The following COPS7B variants were observed in gnomAD, a reference collection of about 807,000 sequenced individuals.
COPS7B encodes COP9 signalosome subunit 7B.
Under a neutral mutation model 33.4 loss-of-function variants are expected in COPS7B, and 9 were observed. The ratio of observed to expected loss-of-function variants is 0.27; its 90% CI spans 0.16 to 0.47. COPS7B has a LOEUF of 0.47. Ranked by LOEUF, COPS7B falls within the 20% of genes least tolerant of loss-of-function variation. The pLI is 0.99. For missense variants in COPS7B, 242 were observed against 318.2 expected, an observed-to-expected ratio of 0.76 and a Z score of 1.82; for synonymous variants, 119 against 126.3, an observed-to-expected ratio of 0.94 and a Z score of 0.39.
At chr2:231,797,609 G>A (rs967451724) in intron 5 of COPS7B, among the ~76,000 whole-genome samples, 11 of 152,132 alleles carry the variant, frequency 7.2e-5, no homozygotes, top group Admixed American at 7.2e-4. Context: ...GTTACCATGG[G>A]ATGTTTACTA....
chr2:231,806,828 C>G (rs111601014), intron 6 of COPS7B, among the ~76,000 whole-genome samples: 2,474 of 152,308 alleles, frequency 0.016, 30 homozygotes, highest in Middle Eastern at 0.027. Flanking sequence ...CAGAGTAGCA[C>G]TGAAACCCAA....
chr2:231,794,388 C>T, intron 4 of COPS7B, 37 bp downstream of exon 4: 1 of 1,533,364 alleles, frequency 6.5e-7, no homozygotes, highest in East Asian at 2.3e-5. Context: ...TCCTCCTTAC[C>T]CCAAGTCAGC....
intron 2 of COPS7B, chr2:231,790,264 A>C (rs1189187885): frequency 6.6e-6 from 1 of 152,282 alleles, no homozygotes; most frequent in East Asian, 1.9e-4. Flanking sequence ...GATGGAAAGT[A>C]AAGTCAGAAA....
chr2:231,788,136 G>GTTTTTT (rs576680336), intron 1 of COPS7B, among the ~76,000 whole-genome samples: 7 of 114,106 alleles, frequency 6.1e-5, no homozygotes, highest in East Asian at 2.4e-4. Flanking sequence ...CTCAGGAACT[G>GTTTTTT]TTTTTTTTTT....
Position 231,807,730 on chromosome 2 carries a change from G to T in COPS7B, c.*85G>T. On this transcript the variant is annotated 3_prime_UTR_variant, in exon 7 of 7. Transcript: ENST00000350033. ...GGCCCATTTCCTCCCCTCTCTACCT[G>T]CAGTGAGTTCCAGACCTGCCCGTCC... 1 of 1,306,044 alleles carries T rather than the reference G, an allele frequency of 7.7e-7. No individual in the cohort carries two copies. Among genetic ancestry groups the T allele is most frequent in the Non-Finnish European group, 1.0e-6 (1 of 964,562 alleles). 80.9% of individuals were successfully genotyped at this position (1,306,044 alleles called of 1,614,324 possible). A position where few individuals can be genotyped will look rare whatever the true frequency, so the allele number is the denominator to read the frequency against.
chr2:231,805,428 TA>T (rs201718650), intron 6 of COPS7B, among the ~76,000 whole-genome samples: 7,662 of 129,220 alleles, frequency 0.059, 258 homozygotes, highest in African/African-American at 0.11. Context: ...TATATATATA[TA>T]TATTTTTTTT....
chr2:231,788,894 G>T, intron 2 of COPS7B, 162 bp downstream of exon 2: 1 of 587,762 alleles, frequency 1.7e-6, no homozygotes, highest in Non-Finnish European at 2.9e-6. Flanking sequence ...GAATATCCTT[G>T]GCTCCTTTTA....
chr2:231,793,233 A>G (rs1025873004), intron 3 of COPS7B, among the ~76,000 whole-genome samples: 3 of 152,222 alleles, frequency 2.0e-5, no homozygotes, highest in African/African-American at 7.2e-5. Flanking sequence ...GGACTTTAAA[A>G]AGGTAATATG....
Position 231,805,446 on chromosome 2 carries a change from T to TTATA in COPS7B, c.637-2021_637-2018dup, listed in dbSNP as rs67709919. ...ATATATATATATTTTTTTTTAAATT[T>TTATA]TATATATATATATATATATATATTT... On this transcript the variant is annotated intron_variant, in intron 6 of 6. Transcript: ENST00000350033. Among the ~76,000 whole-genome samples the TTATA allele has an allele frequency of 2.6e-3, 366 of 138,718 alleles. 3 individuals carry two copies. The highest frequency in any genetic ancestry group is 7.4e-3 in the Middle Eastern group (2 of 272). The allele number at this position is 138,718 out of a possible 152,430, so 91.0% of individuals were successfully genotyped here. A position where few individuals can be genotyped will look rare whatever the true frequency, so the allele number is the denominator to read the frequency against.
At chr2:231,784,881 C>T (rs1276192366), upstream of COPS7B, among the ~76,000 whole-genome samples, 4 of 152,222 alleles carry the variant, frequency 2.6e-5, no homozygotes, top group Non-Finnish European at 4.4e-5. Flanking sequence ...GGCGCAATTT[C>T]GGCTCACTGC....
intron 5 of COPS7B, among the ~76,000 whole-genome samples, chr2:231,796,685 ATTCT>A (rs369187175): frequency 1.3e-5 from 2 of 152,158 alleles, no homozygotes; most frequent in African/African-American, 2.4e-5. Flanking sequence ...TGTTTGTAAG[ATTCT>A]TTCTTTGTTT....
chr2:231,789,687 T>A (rs1322270470), intron 2 of COPS7B: 1 of 152,460 alleles, frequency 6.6e-6, no homozygotes, highest in Non-Finnish European at 1.5e-5. Context: ...TTGGGCAGTT[T>A]ATCACCTTCA....
chr2:231,796,934 A>T (rs367618304), intron 5 of COPS7B, among the ~76,000 whole-genome samples: 1 of 152,214 alleles, frequency 6.6e-6, no homozygotes, highest in African/African-American at 2.4e-5. Flanking sequence ...CTCTGTTTTA[A>T]TGGAATTTGA....
Position 231,808,704 on chromosome 2 carries a change from A to G in COPS7B, c.*1059A>G, listed in dbSNP as rs2049965895. The stretch of plus-strand genomic sequence containing the variant: ...TTTGTACAGGTTCTGATTCTAATAC[A>G]TTTCAACATGCTTTTGTCCCCCCTC... On this transcript the variant is annotated 3_prime_UTR_variant, in exon 7 of 7. Coordinates refer to ENST00000350033, the MANE Select transcript of COPS7B (RefSeq NM_022730.4). The G allele has an allele frequency of 5.1e-6, 1 of 197,388 alleles. No homozygotes were observed. Among genetic ancestry groups the G allele is most frequent in the African/African-American group, 2.8e-5 (1 of 35,896 alleles). 12.2% of individuals were successfully genotyped at this position (197,388 alleles called of 1,614,324 possible).
rs374238757 is a variant in COPS7B, at chr2:231,794,388, C to A, written c.327+37C>A. The A allele has an allele frequency of 2.6e-6, 4 of 1,533,246 alleles. No individual in the cohort carries two copies. The African/African-American group carries it at 4.1e-5, about 16-fold the overall frequency. The allele number at this position is 1,533,246 out of a possible 1,614,324, so 95.0% of individuals were successfully genotyped here. A position where few individuals can be genotyped will look rare whatever the true frequency, so the allele number is the denominator to read the frequency against. On this transcript the variant is annotated intron_variant, in intron 4 of 6. Transcript: ENST00000350033. ...AGCCTTCTCTTGTCTTCCTCCTTAC[C>A]CCAAGTCAGCTGTCTCATTGACATC... is the stretch of plus-strand genomic sequence containing the variant.
chr2:231,796,659 A>G (rs1043612512), intron 5 of COPS7B, among the ~76,000 whole-genome samples: 2 of 152,220 alleles, frequency 1.3e-5, no homozygotes, highest in Admixed American at 1.3e-4. Flanking sequence ...AGTTTGACCA[A>G]ACTCAGGAAG....
intron 6 of COPS7B, among the ~76,000 whole-genome samples, chr2:231,807,240 T>A (rs3817531): frequency 1.1e-4 from 17 of 152,252 alleles, no homozygotes; most frequent in African/African-American, 3.6e-4. Flanking sequence ...GATGTGCCTC[T>A]TTGCCAAATG....
At chr2:231,789,761 T>G (rs2049358241) in intron 2 of COPS7B, 3 of 152,272 alleles carry the variant, frequency 2.0e-5, no homozygotes. Context: ...GGAGTTTCAG[T>G]GAATCAGTTA....
intron 5 of COPS7B, 43 bp from the exon 6 acceptor site, chr2:231,798,815 TC>T: frequency 6.5e-7 from 1 of 1,537,676 alleles, no homozygotes; most frequent in Non-Finnish European, 9.0e-7. Context: ...GGAAGAGACT[TC>T]CCAGGCCATT....
Sources: gnomAD v4.1 joint callset for allele counts (sites outside exome capture counted in the v4.1 genomes callset) on GRCh38, gnomAD v4.1.1 for gene constraint, MANE v1.5 for transcripts, NCBI Gene and HGNC (gene_info 2026-07-23, HGNC 2026-07-21) for gene names.